SCAMP1: variants seen among roughly 807,000 people sequenced by gnomAD.
The protein encoded by SCAMP1 is secretory carrier-associated membrane protein 1.
Under a neutral mutation model 41.8 loss-of-function variants are expected in SCAMP1, and 15 were observed. That is an observed-to-expected ratio of 0.36 (90% CI 0.24 to 0.55). The LOEUF is 0.55. Among genes scored for constraint, SCAMP1 ranks in the 20% least tolerant of loss-of-function variants. The pLI is 0.86. For synonymous variants in SCAMP1, 135 were observed against 136.8 expected (o/e 0.99, Z 0.09); for missense variants, 341 against 412.6 (o/e 0.83, Z 1.50).
intron 6 of SCAMP1, among the ~76,000 whole-genome samples, chr5:78,441,326 C>T (rs147227705): frequency 1.9e-4 from 29 of 152,250 alleles, no homozygotes; most frequent in African/African-American, 7.0e-4. Flanking sequence ...CCTATTTGGC[C>T]GTCTTCAAAC....
Position 78,449,916 on chromosome 5 carries a change from C to CTT in SCAMP1, c.633-7_633-6dup, listed in dbSNP as rs761645299. 8.8e-5 allele frequency: 96 copies of CTT among 1,088,690 alleles called. No homozygotes were observed. The highest frequency in any genetic ancestry group is 2.8e-4 in the South Asian group (15 of 53,438). The allele number at this position is 1,088,690 out of a possible 1,614,324, so 67.4% of individuals were successfully genotyped here. Reference sequence around the variant, plus strand: ...CCCTAACCCCCTTTTTTCTTTCTTTCTTTTTTTTTTTCAAAGGAGTGACAG... The same window carrying CTT: ...CCCTAACCCCCTTTTTTCTTTCTTTCTTTTTTTTTTTTTCAAAGGAGTGACAG... On this transcript the variant is annotated splice_polypyrimidine_tract_variant and intron_variant, in intron 6 of 8. Coordinates refer to ENST00000621999, the MANE Select transcript of SCAMP1 (RefSeq NM_004866.6).
chr5:78,433,703 C>T (rs1752677086), intron 6 of SCAMP1, among the ~76,000 whole-genome samples: 1 of 152,110 alleles, frequency 6.6e-6, no homozygotes. Flanking sequence ...CTTCTCTTCG[C>T]ACACTCTTCC....
chr5:78,448,170 C>T (rs1266576558), intron 6 of SCAMP1, among the ~76,000 whole-genome samples: 2 of 126,210 alleles, frequency 1.6e-5, no homozygotes, highest in Non-Finnish European at 3.3e-5. Context: ...TCCTCCTCCT[C>T]CTCTTCCTCT....
chr5:78,382,582 C>A (rs371878870), intron 1 of SCAMP1, among the ~76,000 whole-genome samples: 1 of 152,134 alleles, frequency 6.6e-6, no homozygotes, highest in South Asian at 2.1e-4. Context: ...CCCACCCTTT[C>A]CCATGAGTCC....
chr5:78,413,959 CT>C (rs1240046618), intron 2 of SCAMP1, among the ~76,000 whole-genome samples: 1 of 151,124 alleles, frequency 6.6e-6, no homozygotes, highest in African/African-American at 2.4e-5. Flanking sequence ...TCTTTCTTTC[CT>C]TTCTTCTTTT....
At chr5:78,460,795 T>TTGGTTTCTTTTCC (rs1753576660) in intron 8 of SCAMP1, among the ~76,000 whole-genome samples, 2 of 46,096 alleles carry the variant, frequency 4.3e-5, no homozygotes, top group African/African-American at 2.2e-4. Flanking sequence ...CTTCCTTCCT[T>TTGGTTTCTTTTCC]CCTTCCTTCC....
intron 2 of SCAMP1, among the ~76,000 whole-genome samples, chr5:78,390,562 T>C (rs936406996): frequency 6.6e-6 from 1 of 152,208 alleles, no homozygotes; most frequent in Non-Finnish European, 1.5e-5. Context: ...TATTCCACTG[T>C]ATGTAGTTCT....
chr5:78,424,848 G>T (rs892014204), intron 6 of SCAMP1, among the ~76,000 whole-genome samples: 2 of 152,198 alleles, frequency 1.3e-5, no homozygotes, highest in Non-Finnish European at 2.9e-5. Context: ...CATTATTGTT[G>T]AATGTTGTTG....
intron 1 of SCAMP1, among the ~76,000 whole-genome samples, chr5:78,363,375 G>A (rs7714860): frequency 0.95 from 144,687 of 152,068 alleles, 69,040 homozygotes; most frequent in Non-Finnish European, 0.97. Context: ...ACCACCGGCT[G>A]ATTTTTTGTA....
intron 1 of SCAMP1, among the ~76,000 whole-genome samples, chr5:78,361,283 A>G (rs539652958): frequency 6.6e-6 from 1 of 152,304 alleles, no homozygotes; most frequent in Non-Finnish European, 1.5e-5. Flanking sequence ...TTGCACCCAA[A>G]TACCACCAGT....
At chr5:78,439,290 A>T (rs893267780) in intron 6 of SCAMP1, among the ~76,000 whole-genome samples, 2 of 150,080 alleles carry the variant, frequency 1.3e-5, no homozygotes, top group Non-Finnish European at 2.9e-5. Context: ...CTGTTAATTG[A>T]TGCAGTTTCT....
Position 78,469,913 on chromosome 5 carries a change from C to CAAAAAAAAAAAAAAAAAAAAA in SCAMP1, c.853-5572_853-5571insAAAAAAAAAAAAAAAAAAAAA, listed in dbSNP as rs1561290939. Among the ~76,000 whole-genome samples the CAAAAAAAAAAAAAAAAAAAAA allele has an allele frequency of 5.2e-4, 12 of 23,192 alleles. 1 individual carries two copies. The highest frequency in any genetic ancestry group is 5.2e-4 in the Non-Finnish European group (7 of 13,520). The allele number at this position is 23,192 out of a possible 152,430, so 15.2% of individuals were successfully genotyped here. On this transcript the variant is annotated intron_variant, in intron 8 of 8. Coordinates refer to ENST00000621999, the MANE Select transcript of SCAMP1 (RefSeq NM_004866.6). ...ATTAAAAAAAAAAAAAAAAAAAAAACAAAAAAAAAAAAAAAAAAACAACAA... is the reference window on the plus strand; with the variant it reads ...ATTAAAAAAAAAAAAAAAAAAAAAACAAAAAAAAAAAAAAAAAAAAAAAAAAAAAAAAAAAAAAAACAACAA...
chr5:78,440,516 G>A (rs1752892585), intron 6 of SCAMP1, among the ~76,000 whole-genome samples: 1 of 152,210 alleles, frequency 6.6e-6, no homozygotes, highest in South Asian at 2.1e-4. Flanking sequence ...GGAGGCTGCA[G>A]AACATCAAAT....
At chr5:78,421,453 A>G (rs1752337808) in intron 5 of SCAMP1, among the ~76,000 whole-genome samples, 1 of 152,178 alleles carries the variant, frequency 6.6e-6, no homozygotes, top group South Asian at 2.1e-4. Flanking sequence ...CCTGGCAGAC[A>G]CTGCTTTTCT....
intron 2 of SCAMP1, among the ~76,000 whole-genome samples, chr5:78,391,413 C>T (rs1202253713): frequency 6.7e-6 from 1 of 149,396 alleles, no homozygotes; most frequent in Non-Finnish European, 1.5e-5. Context: ...GGGGGGCTGA[C>T]CCCCCCACCT....
chr5:78,394,108 C>T (rs757067453), intron 2 of SCAMP1, among the ~76,000 whole-genome samples: 2 of 152,066 alleles, frequency 1.3e-5, no homozygotes, highest in African/African-American at 2.4e-5. Context: ...AGAGAAGAAC[C>T]ACAAGAGAAA....
rs115423888 is a variant in SCAMP1, at chr5:78,427,506, A to G, written c.632+5546A>G. 1.6e-3 allele frequency among the ~76,000 whole-genome samples: 243 copies of G among 152,184 alleles called. 1 individual carries two copies. Among genetic ancestry groups the G allele is most frequent in the Admixed American group, 0.016 (240 of 15,272 alleles). ...CAAGTCTGTCTATGGCCATATATTC[A>G]TTTCTCTTGAATATATTTTTAAGAG... On this transcript the variant is annotated intron_variant, in intron 6 of 8. Coordinates refer to ENST00000621999, the MANE Select transcript of SCAMP1 (RefSeq NM_004866.6).
intron 2 of SCAMP1, among the ~76,000 whole-genome samples, chr5:78,403,211 T>G (rs571978634): frequency 6.6e-6 from 1 of 152,266 alleles, no homozygotes; most frequent in African/African-American, 2.4e-5. Flanking sequence ...TGATTATAAT[T>G]TATCTCCTTC....
chr5:78,431,856 G>C (rs764131086), intron 6 of SCAMP1, among the ~76,000 whole-genome samples: 1 of 151,832 alleles, frequency 6.6e-6, no homozygotes, highest in South Asian at 2.1e-4. Context: ...TAGGAGGTGT[G>C]TATATTTATA....
Sources: gnomAD v4.1 joint callset for allele counts (sites outside exome capture counted in the v4.1 genomes callset) on GRCh38, gnomAD v4.1.1 for gene constraint, MANE v1.5 for transcripts, NCBI Gene and HGNC (gene_info 2026-07-23, HGNC 2026-07-21) for gene names.